EMID1: variants seen among roughly 807,000 people sequenced by gnomAD.
EMID1 encodes EMI domain containing 1.
EMID1 carries 40 observed loss-of-function variants against 60.6 expected under a neutral mutation model. The ratio of observed to expected loss-of-function variants is 0.66; its 90% confidence interval spans 0.51 to 0.86. EMID1 has a LOEUF of 0.86. Ranked by LOEUF, EMID1 falls within the 40% of genes least tolerant of loss-of-function variation. The pLI, the probability that EMID1 is intolerant of heterozygous loss-of-function variation, is 0.00. For missense variants in EMID1, 585 were observed against 597.1 expected (o/e 0.98, Z 0.21); for synonymous variants, 242 against 231.0 (o/e 1.05, Z -0.43).
At chr22:29,211,959 C>G (rs1195563704) in intron 1 of EMID1, among the ~76,000 whole-genome samples, 1 of 152,234 alleles carries the variant, frequency 6.6e-6, no homozygotes, top group African/African-American at 2.4e-5. Flanking sequence ...TCTCCATATT[C>G]AACCCTAACA....
chr22:29,225,069 G>C, intron 3 of EMID1, 64 bp from the exon 4 acceptor site: 1 of 1,547,652 alleles, frequency 6.5e-7, no homozygotes, highest in Non-Finnish European at 8.9e-7. Flanking sequence ...CTACAGTGGT[G>C]GGCAGGGGGG....
At chr22:29,232,156 C>G (rs1007081413) in intron 7 of EMID1, 100 bp from the exon 8 acceptor site, 5 of 1,459,094 alleles carry the variant, frequency 3.4e-6, no homozygotes, top group Non-Finnish European at 4.8e-6. Flanking sequence ...GGGGCCCTCT[C>G]TCATGCCCAC....
chr22:29,206,633 C>A (rs1030822742), intron 1 of EMID1, among the ~76,000 whole-genome samples: 1 of 152,142 alleles, frequency 6.6e-6, no homozygotes, highest in African/African-American at 2.4e-5. Context: ...GTCGGAGATA[C>A]CCCAGGGACC....
intron 1 of EMID1, among the ~76,000 whole-genome samples, chr22:29,208,460 T>C (rs537197282): frequency 3.5e-4 from 54 of 152,302 alleles, no homozygotes; most frequent in African/African-American, 1.3e-3. Context: ...GCCTGGAGTC[T>C]GCTTCCTTTA....
chr22:29,206,718 C>T (rs2039672414), intron 1 of EMID1, among the ~76,000 whole-genome samples: 1 of 152,138 alleles, frequency 6.6e-6, no homozygotes, highest in Non-Finnish European at 1.5e-5. Flanking sequence ...CTCCTCCCTG[C>T]TGGCCTTTAC....
At position 29,238,653 on chromosome 22, in the gene EMID1, A is replaced by C. The variant is rs1568995318; in HGVS notation, c.1074+4304A>C. Reference sequence around the variant, plus strand: ...AGGCTGGTCTCAAACTTCTGACCTCAGGTGATCCGCCCGCCTCGGCCTCCC... The same window carrying C: ...AGGCTGGTCTCAAACTTCTGACCTCCGGTGATCCGCCCGCCTCGGCCTCCC... On this transcript the variant is annotated intron_variant, in intron 12 of 14. Coordinates refer to ENST00000334018, the MANE Select transcript of EMID1 (RefSeq NM_133455.4). Among the ~76,000 whole-genome samples, 2 of 142,822 alleles carry C rather than the reference A, an allele frequency of 1.4e-5. 1 individual carries two copies. Among genetic ancestry groups the C allele is most frequent in the African/African-American group, 5.6e-5 (2 of 35,832 alleles). 93.7% of individuals were successfully genotyped at this position (142,822 alleles called of 152,430 possible).
chr22:29,224,858 C>A (rs1054467093), intron 3 of EMID1, among the ~76,000 whole-genome samples: 1 of 152,122 alleles, frequency 6.6e-6, no homozygotes, highest in Non-Finnish European at 1.5e-5. Flanking sequence ...ACCTCTTAGC[C>A]CATGAGGCTG....
At chr22:29,224,428 C>T (rs2040420279) in intron 3 of EMID1, among the ~76,000 whole-genome samples, 1 of 152,192 alleles carries the variant, frequency 6.6e-6, no homozygotes, top group Admixed American at 6.5e-5. Context: ...AACCAGTCCC[C>T]CAAAACCAGA....
At chr22:29,217,648 G>T (rs545775165) in intron 3 of EMID1, among the ~76,000 whole-genome samples, 1 of 152,368 alleles carries the variant, frequency 6.6e-6, no homozygotes, top group South Asian at 2.1e-4. Context: ...AAATGGGCAG[G>T]ATGATAAGAG....
intron 14 of EMID1, chr22:29,254,902 C>G: frequency 5.4e-6 from 1 of 186,146 alleles, no homozygotes; most frequent in Non-Finnish European, 1.1e-5. Flanking sequence ...TCTGACTTTC[C>G]TCTCCCATAA....
intron 12 of EMID1, among the ~76,000 whole-genome samples, chr22:29,240,943 C>A (rs774516296): frequency 2.0e-5 from 3 of 152,164 alleles, no homozygotes; most frequent in Admixed American, 6.5e-5. Flanking sequence ...AGTAGTTTCT[C>A]CTGAGTCAGG....
chr22:29,233,286 G>A, intron 8 of EMID1, 93 bp from the exon 9 acceptor site: 1 of 1,374,984 alleles, frequency 7.3e-7, no homozygotes. Flanking sequence ...CTGCCCCATA[G>A]GGCAGTCCAA....
At position 29,215,643 on chromosome 22, in the gene EMID1, G is replaced by A. The variant is rs543170965; in HGVS notation, c.319+13G>A. 2.0e-5 allele frequency: 33 copies of A among 1,611,848 alleles called. 1 individual carries two copies. The highest frequency in any genetic ancestry group is 6.7e-5 in the East Asian group (3 of 44,874). Reference sequence around the variant, plus strand: ...AGCTGCGAGGAAGGTAGGACTGCCCGGCCGGCTCCCGGAGCCCTGCGACAG... The same window carrying A: ...AGCTGCGAGGAAGGTAGGACTGCCCAGCCGGCTCCCGGAGCCCTGCGACAG... On this transcript the variant is annotated intron_variant, in intron 3 of 14. Transcript: ENST00000334018.
chr22:29,235,757 A>G (rs943519579), intron 12 of EMID1, among the ~76,000 whole-genome samples: 4 of 141,840 alleles, frequency 2.8e-5, no homozygotes, highest in African/African-American at 1.0e-4. Flanking sequence ...TCTTTCTAGA[A>G]TTAAAGCTTT....
At chr22:29,211,476 CCT>C (rs1480505255) in intron 1 of EMID1, among the ~76,000 whole-genome samples, 2 of 150,408 alleles carry the variant, frequency 1.3e-5, no homozygotes, top group Non-Finnish European at 3.0e-5. Flanking sequence ...GCGTATTTGC[CCT>C]GTGTGCCTGT....
chr22:29,234,150 C>T lies in EMID1; in HGVS notation c.980C>T (p.Pro327Leu). Residue 327 changes from proline (P) to leucine (L), a missense_variant, in exon 11 of 15, where the codon CCC (proline) becomes CTC (leucine). Physicochemically the swap from Pro to Leu is moderately conservative, Grantham distance 98. Coordinates refer to ENST00000334018, the MANE Select transcript of EMID1 (RefSeq NM_133455.4). ...GSPGHIGPPG[P>L]TGPKGISGHP... ...CTTGTTGCTCAGGGACCCCCAGGCC[C>T]CACTGGACCCAAAGGAATCTCTGGC... is the stretch of plus-strand genomic sequence containing the variant. 1 of 1,594,242 alleles carries T rather than the reference C, an allele frequency of 6.3e-7. No individual in the cohort carries two copies. Among genetic ancestry groups the T allele is most frequent in the Admixed American group, 1.7e-5 (1 of 57,270 alleles).
intron 5 of EMID1, 89 bp downstream of exon 5, chr22:29,226,640 G>T: frequency 7.9e-7 from 1 of 1,263,490 alleles, no homozygotes; most frequent in South Asian, 1.5e-5. Flanking sequence ...CTCCTTCCCC[G>T]CACCCCATGC....
At chr22:29,226,068 C>T (rs992790516) in intron 4 of EMID1, among the ~76,000 whole-genome samples, 2 of 151,932 alleles carry the variant, frequency 1.3e-5, no homozygotes, top group African/African-American at 4.8e-5. Flanking sequence ...ACAAGTCACG[C>T]GGGACAGTAA....
At chr22:29,222,705 A>G (rs958815730) in intron 3 of EMID1, among the ~76,000 whole-genome samples, 1 of 152,072 alleles carries the variant, frequency 6.6e-6, no homozygotes, top group Non-Finnish European at 1.5e-5. Flanking sequence ...TGCCTGGCCT[A>G]TGTTGACTTT....
Sources: gnomAD v4.1 joint callset for allele counts (sites outside exome capture counted in the v4.1 genomes callset) on GRCh38, gnomAD v4.1.1 for gene constraint, MANE v1.5 for transcripts, NCBI Gene and HGNC (gene_info 2026-07-23, HGNC 2026-07-21) for gene names.